The following GRB7 variants were observed in gnomAD, a reference collection of about 807,000 sequenced individuals.
The protein encoded by GRB7 is growth factor receptor bound protein 7.
A neutral mutation model predicts 64.1 loss-of-function variants in GRB7; 47 were observed. The ratio of observed to expected loss-of-function variants is 0.73; its 90% CI spans 0.58 to 0.94. GRB7 has a LOEUF of 0.94. Ranked by LOEUF, GRB7 falls within the 40% of genes least tolerant of loss-of-function variation. The pLI is 0.00. For missense variants in GRB7, 634 were observed against 718.4 expected, an observed-to-expected ratio of 0.88 and a Z score of 1.34; for synonymous variants, 277 against 279.9, an observed-to-expected ratio of 0.99 and a Z score of 0.10.
intron 7 of GRB7, 90 bp downstream of exon 7, chr17:39,744,297 TC>T: frequency 2.0e-6 from 3 of 1,500,402 alleles, no homozygotes; most frequent in Non-Finnish European, 2.7e-6. Flanking sequence ...TGAGCCCTTC[TC>T]CCCCTGGGCC....
intron 1 of GRB7, among the ~76,000 whole-genome samples, chr17:39,741,273 AGAG>A (rs1417365779): frequency 6.6e-6 from 1 of 152,188 alleles, no homozygotes; most frequent in Non-Finnish European, 1.5e-5. Context: ...AAGGCTTCTC[AGAG>A]GAGGTGGCTC....
chr17:39,738,853 T>G, intron 1 of GRB7: 1 of 1,521,984 alleles, frequency 6.6e-7, no homozygotes, highest in South Asian at 1.2e-5. Flanking sequence ...TTGTCGAGGC[T>G]TCATCTCTCC....
At chr17:39,743,917 C>T (rs2060019488) in intron 6 of GRB7, among the ~76,000 whole-genome samples, 153 bp from the exon 7 acceptor site, 2 of 150,766 alleles carry the variant, frequency 1.3e-5, no homozygotes, top group South Asian at 4.2e-4. Flanking sequence ...CACTTGAGCT[C>T]GGGAGGTCGA....
At chr17:39,743,078 C>T in intron 4 of GRB7, 24 bp downstream of exon 4, 1 of 1,597,290 alleles carries the variant, frequency 6.3e-7, no homozygotes, top group East Asian at 2.2e-5. Context: ...ATGGAACTAT[C>T]CGGGCTGGGA....
intron 6 of GRB7, 23 bp from the exon 7 acceptor site, chr17:39,744,047 T>G (rs747913009): frequency 1.2e-6 from 2 of 1,613,584 alleles, no homozygotes; most frequent in Non-Finnish European, 8.5e-7. Context: ...CCTGTCACTC[T>G]CCTCTGCTCT....
At chr17:39,740,983 G>C (rs1212548006) in intron 1 of GRB7, among the ~76,000 whole-genome samples, 1 of 152,138 alleles carries the variant, frequency 6.6e-6, no homozygotes, top group Non-Finnish European at 1.5e-5. Context: ...GGTTCTCCCA[G>C]GTCTCAGCCC....
At position 39,744,607 on chromosome 17, in the gene GRB7, G is replaced by C; in HGVS notation, c.856G>C (p.Val286Leu). 1 of 1,612,214 alleles carries C rather than the reference G, an allele frequency of 6.2e-7. No individual in the cohort carries two copies. The highest frequency in any genetic ancestry group is 1.1e-5 in the South Asian group (1 of 90,676). ...TGTGAACGAGTCCAACGTGTACGTG[G>C]TGACGCAGGGCCGCAAGCTCTACGG... ...ADVNESNVYVVTQGRKLYGMP... is the reference protein window; with the variant it reads ...ADVNESNVYVLTQGRKLYGMP... Residue 286 changes from valine (V) to leucine (L), a missense_variant, in exon 8 of 15, where the codon GTG becomes CTG. Coordinates refer to ENST00000309156, the MANE Select transcript of GRB7 (RefSeq NM_005310.5).
In GRB7 at chr17:39,744,561, G is replaced by A. The variant is rs761564738; in HGVS notation, c.810G>A (p.Arg270=). The change falls in exon 8 of 15, where the codon AGG becomes AGA. Residue 270 remains arginine (R), a synonymous_variant. Transcript: ENST00000309156. ...TCACTCATGCTGCTTAGGATCCGAG[G>A]CACCTGCAGTACGTGGCAGATGTGA... is the stretch of plus-strand genomic sequence containing the variant. ...YSTKGTSKDP[R]HLQYVADVNE... 7.5e-6 allele frequency: 12 copies of A among 1,608,416 alleles called. No homozygotes were observed. The highest frequency in any genetic ancestry group is 1.0e-5 in the Non-Finnish European group (12 of 1,177,524).
intron 14 of GRB7, 115 bp from the exon 15 acceptor site, chr17:39,746,636 A>T: frequency 2.6e-6 from 1 of 386,934 alleles, no homozygotes; most frequent in Non-Finnish European, 4.0e-6. Flanking sequence ...AAAAGAAAGA[A>T]AAAGAAAAAG....
Position 39,746,737 on chromosome 17 carries a change from T to C in GRB7, c.1453-14T>C, listed in dbSNP as rs1420501495. On this transcript the variant is annotated splice_polypyrimidine_tract_variant and intron_variant, in intron 14 of 14. Coordinates refer to ENST00000309156, the MANE Select transcript of GRB7 (RefSeq NM_005310.5). ...GCCCCTCCCTGAACTTCCACCCCCT[T>C]TACTGTACCCCAGAGCGAGGAGGAG... 1 of 1,613,274 alleles carries C rather than the reference T, an allele frequency of 6.2e-7. No homozygotes were observed. The highest frequency in any genetic ancestry group is 8.5e-7 in the Non-Finnish European group (1 of 1,179,582).
In GRB7 at chr17:39,739,923, G is replaced by A. The variant is rs962824739; in HGVS notation, c.-51+1790G>A. ...CCCATTGGTCTTGACGATTCCACCC[G>A]CCTCCAGCCTTAGAAGCTTAAGGGC... is the stretch of plus-strand genomic sequence containing the variant. On this transcript the variant is annotated intron_variant, in intron 1 of 14. Coordinates refer to ENST00000309156, the MANE Select transcript of GRB7 (RefSeq NM_005310.5). 8 of 895,764 alleles carry A rather than the reference G, an allele frequency of 8.9e-6. No individual in the cohort carries two copies. In the African/African-American group the frequency reaches 9.0e-5, roughly 10 times the overall value. 55.5% of individuals were successfully genotyped at this position (895,764 alleles called of 1,614,324 possible). A position where few individuals can be genotyped will look rare whatever the true frequency, so the allele number is the denominator to read the frequency against.
intron 8 of GRB7, 97 bp downstream of exon 8, chr17:39,744,760 C>A: frequency 7.7e-7 from 1 of 1,299,054 alleles, no homozygotes; most frequent in Non-Finnish European, 1.1e-6. Context: ...AATTCAGACA[C>A]CTAGACTCCT....
Position 39,742,389 on chromosome 17 carries a change from C to T in GRB7, c.88C>T (p.Pro30Ser). The change falls in exon 2 of 15, where the codon CCC (proline) becomes TCC (serine). Residue 30 changes from proline (P) to serine (S), a missense_variant. Physicochemically the swap from Pro to Ser is moderately conservative, Grantham distance 74. Coordinates refer to ENST00000309156, the MANE Select transcript of GRB7 (RefSeq NM_005310.5). ...APGTPPGTPR[P>S]PDTPLPEEVK... ...TGGGACCCCTCCTGGGACTCCCCGG[C>T]CCCCTGATACCCCTCTGCCTGAGGA... is the stretch of plus-strand genomic sequence containing the variant. 6.2e-7 allele frequency: 1 copy of T among 1,613,936 alleles called. No homozygotes were observed. The highest frequency in any genetic ancestry group is 1.1e-5 in the South Asian group (1 of 91,088).
In GRB7 at chr17:39,745,548, G is replaced by T. The variant is rs2060037735; in HGVS notation, c.1209+10G>T. 2.5e-6 allele frequency: 4 copies of T among 1,597,670 alleles called. No homozygotes were observed. The highest frequency in any genetic ancestry group is 3.4e-6 in the Non-Finnish European group (4 of 1,165,784). Reference sequence around the variant, plus strand: ...GGCCCAGGCCTGGAGGGTGAGGCCTGCTGTGTGTGTGTGTGTTTGTGCTGG... The same window carrying T: ...GGCCCAGGCCTGGAGGGTGAGGCCTTCTGTGTGTGTGTGTGTTTGTGCTGG... On this transcript the variant is annotated intron_variant, in intron 11 of 14. Transcript: ENST00000309156.
At position 39,744,588 on chromosome 17, in the gene GRB7, C is replaced by T. The variant is rs368125166; in HGVS notation, c.837C>T (p.Asn279=). The T allele has an allele frequency of 2.8e-5, 45 of 1,611,844 alleles. No individual in the cohort carries two copies. Among genetic ancestry groups the T allele is most frequent in the Non-Finnish European group, 3.6e-5 (42 of 1,179,096 alleles). ...ACCTGCAGTACGTGGCAGATGTGAACGAGTCCAACGTGTACGTGGTGACGC... is the reference window on the plus strand; with the variant it reads ...ACCTGCAGTACGTGGCAGATGTGAATGAGTCCAACGTGTACGTGGTGACGC... ...PRHLQYVADV[N]ESNVYVVTQG... is the part of the protein sequence containing the mutation. The change falls in exon 8 of 15, where the codon AAC becomes AAT. Residue 279 remains asparagine, a synonymous_variant. Coordinates refer to ENST00000309156, the MANE Select transcript of GRB7 (RefSeq NM_005310.5).
In GRB7 at chr17:39,744,158, GCTT is replaced by G. The variant is rs1471755298; in HGVS notation, c.756_758del (p.Phe252del). On this transcript the variant is annotated inframe_deletion, in exon 7 of 15. Transcript: ENST00000309156. Reference sequence around the variant, plus strand: ...CGGAAGCTTTGGAAACGCTTTTTCTGCTTCTTGCGCCGATCTGGCCTCTATTAC... The same window carrying G: ...CGGAAGCTTTGGAAACGCTTTTTCTGCTTGCGCCGATCTGGCCTCTATTAC... 6.2e-7 allele frequency: 1 copy of G among 1,614,100 alleles called. No homozygotes were observed. Among genetic ancestry groups the G allele is most frequent in the Non-Finnish European group, 8.5e-7 (1 of 1,180,022 alleles).
intron 10 of GRB7, 31 bp from the exon 11 acceptor site, chr17:39,745,391 T>G: frequency 6.2e-7 from 1 of 1,611,956 alleles, no homozygotes; most frequent in Non-Finnish European, 8.5e-7. Context: ...TGGGCCCTGT[T>G]CTGACCTCTC....
At position 39,742,309 on chromosome 17, in the gene GRB7, T is replaced by G. The variant is rs751341393; in HGVS notation, c.8T>G (p.Leu3Arg). ME[L>R]DLSPPHLSSS... ...CTCTCTTGCTCAGACGCCATGGAGC[T>G]GGATCTGTCTCCACCTCATCTTAGC... is the stretch of plus-strand genomic sequence containing the variant. Residue 3 changes from leucine (L) to arginine (R), a missense_variant, in exon 2 of 15, where the codon CTG becomes CGG. This residue lies in a region of GRB7 where 167 missense variants were observed against 141.9 expected (regional missense o/e 1.18). Coordinates refer to ENST00000309156, the MANE Select transcript of GRB7 (RefSeq NM_005310.5). 10 of 1,614,122 alleles carry G rather than the reference T, an allele frequency of 6.2e-6. No individual in the cohort carries two copies. Among genetic ancestry groups the G allele is most frequent in the Non-Finnish European group, 7.6e-6 (9 of 1,179,994 alleles).
Position 39,745,177 on chromosome 17 carries a change from G to C in GRB7, c.1012-66G>C, listed in dbSNP as rs909525018. 37 of 1,381,092 alleles carry C rather than the reference G, an allele frequency of 2.7e-5. 1 individual carries two copies. The highest frequency in any genetic ancestry group is 8.7e-5 in the African/African-American group (6 of 69,112). The allele number at this position is 1,381,092 out of a possible 1,614,324, so 85.6% of individuals were successfully genotyped here. ...TGGTCTGGGCAAGTCCTGGTCTGAG[G>C]GGGGCGTCACAGCCACGCCCCCAGG... On this transcript the variant is annotated intron_variant, in intron 9 of 14. Coordinates refer to ENST00000309156, the MANE Select transcript of GRB7 (RefSeq NM_005310.5).
Sources: gnomAD v4.1 joint callset for allele counts (sites outside exome capture counted in the v4.1 genomes callset) on GRCh38, gnomAD v4.1.1 for gene constraint, gnomAD v4.1.1 regional missense constraint, MANE v1.5 for transcripts, NCBI Gene and HGNC (gene_info 2026-07-23, HGNC 2026-07-21) for gene names.